Variants in SHB observed in about 807,000 individuals in gnomAD.
The protein encoded by SHB is SH2 domain-containing adapter protein B.
Under a neutral mutation model 52.3 loss-of-function variants are expected in SHB, and 20 were observed. The observed-to-expected ratio is 0.38, with a 90% CI of 0.27 to 0.56. The LOEUF (loss-of-function observed/expected upper bound fraction) is 0.56, where lower values mean the gene tolerates loss of function less well. SHB is among the 20% of genes least tolerant of loss of function. The pLI is 0.71. For synonymous variants in SHB, 397 were observed against 316.5 expected (o/e 1.25, Z -2.70); for missense variants, 825 against 723.3 (o/e 1.14, Z -1.61).
At chr9:37,975,494 A>T (rs1820643564) in intron 2 of SHB, among the ~76,000 whole-genome samples, 1 of 152,218 alleles carries the variant, frequency 6.6e-6, no homozygotes, top group Non-Finnish European at 1.5e-5. Flanking sequence ...CAAGCTCTTG[A>T]TCTTCTAGAG....
intron 2 of SHB, among the ~76,000 whole-genome samples, chr9:38,002,760 G>A (rs1049047515): frequency 6.6e-6 from 1 of 152,178 alleles, no homozygotes; most frequent in Non-Finnish European, 1.5e-5. Flanking sequence ...CAGTTAAAAA[G>A]TGAGCTAAAA....
chr9:38,006,210 C>A (rs1821073964), intron 2 of SHB, among the ~76,000 whole-genome samples: 1 of 152,200 alleles, frequency 6.6e-6, no homozygotes, highest in Non-Finnish European at 1.5e-5. Context: ...TACCCTGACT[C>A]CACAGCACCT....
At chr9:38,032,735 A>G (rs1012517459) in intron 1 of SHB, among the ~76,000 whole-genome samples, 2 of 152,170 alleles carry the variant, frequency 1.3e-5, no homozygotes, top group African/African-American at 2.4e-5. Context: ...TTCCCCACAT[A>G]CCAAAGCCAG....
In SHB at chr9:38,068,513, G is replaced by A. The variant is rs765154732; in HGVS notation, c.133C>T (p.Pro45Ser). The A allele has an allele frequency of 6.1e-6, 9 of 1,482,840 alleles. No individual in the cohort carries two copies. In the Admixed American group the frequency reaches 1.3e-4, roughly 22 times the overall value. 91.9% of individuals were successfully genotyped at this position (1,482,840 alleles called of 1,614,324 possible). A position where few individuals can be genotyped will look rare whatever the true frequency, so the allele number is the denominator to read the frequency against. ...GCCGAGGCGGCGGAGGAGGCCTGCG[G>A]CACGGCCTGGGGGGGCTGCGAAGGC... Reference protein sequence around the residue: ...ERPSQPPQAVPQASSAASASC... With the variant: ...ERPSQPPQAVSQASSAASASC... Residue 45 changes from proline (P) to serine (S), a missense_variant, in exon 1 of 6, where the codon CCG becomes TCG. By Grantham distance (74) the Pro-to-Ser change is moderately conservative (BLOSUM62 -1). Transcript: ENST00000377707.
At chr9:38,013,651 AC>A (rs1821172381) in intron 2 of SHB, among the ~76,000 whole-genome samples, 1 of 152,126 alleles carries the variant, frequency 6.6e-6, no homozygotes, top group African/African-American at 2.4e-5. Context: ...GTGAACAACT[AC>A]TCACCTTTGA....
intron 2 of SHB, among the ~76,000 whole-genome samples, chr9:38,006,402 G>A (rs1821076645): frequency 1.3e-5 from 2 of 152,170 alleles, no homozygotes; most frequent in Non-Finnish European, 2.9e-5. Flanking sequence ...TGCCCAGCAC[G>A]CAGGGAGCTG....
At chr9:38,023,486 G>A (rs1391207993) in intron 1 of SHB, among the ~76,000 whole-genome samples, 1 of 152,168 alleles carries the variant, frequency 6.6e-6, no homozygotes, top group African/African-American at 2.4e-5. Flanking sequence ...GCACTTTCAG[G>A]CAGGGTCTCT....
At chr9:38,014,440 G>A (rs1396828254) in intron 2 of SHB, among the ~76,000 whole-genome samples, 1 of 152,262 alleles carries the variant, frequency 6.6e-6, no homozygotes, top group Non-Finnish European at 1.5e-5. Flanking sequence ...GGCTGTGGTT[G>A]TCGCAGGGCC....
intron 5 of SHB, among the ~76,000 whole-genome samples, chr9:37,925,967 T>A (rs948638735): frequency 6.1e-4 from 93 of 152,162 alleles, no homozygotes; most frequent in African/African-American, 2.1e-3. Flanking sequence ...CTGGGAGCAC[T>A]GCCTCTATGC....
intron 3 of SHB, among the ~76,000 whole-genome samples, chr9:37,962,012 G>C (rs1832696998): frequency 6.6e-6 from 1 of 152,214 alleles, no homozygotes; most frequent in African/African-American, 2.4e-5. Flanking sequence ...CACAGTTTAG[G>C]AGTCAGGAGG....
At chr9:38,046,701 C>T (rs1821656778) in intron 1 of SHB, among the ~76,000 whole-genome samples, 1 of 152,240 alleles carries the variant, frequency 6.6e-6, no homozygotes, top group African/African-American at 2.4e-5. Context: ...ATTGAAATCG[C>T]AATGAGATGT....
chr9:38,008,529 G>T (rs546150112), intron 2 of SHB, among the ~76,000 whole-genome samples: 2 of 152,372 alleles, frequency 1.3e-5, no homozygotes, highest in Middle Eastern at 6.8e-3. Context: ...TGCCAGGCAG[G>T]AGGATTGACA....
At chr9:37,920,316 AAAACAAAACAAAACAAAACT>A (rs1479902820) in intron 5 of SHB, among the ~76,000 whole-genome samples, 2 of 143,576 alleles carry the variant, frequency 1.4e-5, no homozygotes, top group African/African-American at 5.4e-5. Context: ...AAAACAAAAC[AAAACAAAACAAAACAAAACT>A]TAGTCCCTCT....
intron 3 of SHB, among the ~76,000 whole-genome samples, chr9:37,965,763 G>T (rs1457557670): frequency 6.6e-6 from 1 of 152,010 alleles, no homozygotes; most frequent in Non-Finnish European, 1.5e-5. Flanking sequence ...TGGGGCCGGG[G>T]TATCTGGATT....
intron 1 of SHB, among the ~76,000 whole-genome samples, chr9:38,038,243 G>A (rs977677226): frequency 4.6e-5 from 7 of 152,202 alleles, no homozygotes; most frequent in African/African-American, 1.4e-4. Context: ...CAGGTCAGGC[G>A]TGGGGGACCT....
chr9:37,990,355 G>C (rs924558020), intron 2 of SHB, among the ~76,000 whole-genome samples: 5 of 152,100 alleles, frequency 3.3e-5, no homozygotes, highest in Non-Finnish European at 7.4e-5. Context: ...AGCCCTTTGC[G>C]TGCTCAGGCT....
At chr9:37,976,068 C>T (rs899514194) in intron 2 of SHB, among the ~76,000 whole-genome samples, 3 of 152,158 alleles carry the variant, frequency 2.0e-5, no homozygotes, top group Non-Finnish European at 4.4e-5. Flanking sequence ...TGGAGTCTTA[C>T]TCTGTTACCC....
intron 1 of SHB, among the ~76,000 whole-genome samples, chr9:38,057,640 C>T (rs1001210071): frequency 6.6e-6 from 1 of 152,196 alleles, no homozygotes; most frequent in Non-Finnish European, 1.5e-5. Context: ...TTGGAATGCA[C>T]CAGAGGGATT....
At chr9:37,961,002 C>T (rs746456748) in intron 3 of SHB, among the ~76,000 whole-genome samples, 10 of 152,220 alleles carry the variant, frequency 6.6e-5, no homozygotes, top group Non-Finnish European at 1.3e-4. Flanking sequence ...GGGCCTCATT[C>T]ATCTGGCCTC....
Sources: gnomAD v4.1 joint callset for allele counts (sites outside exome capture counted in the v4.1 genomes callset) on GRCh38, gnomAD v4.1.1 for gene constraint, MANE v1.5 for transcripts, NCBI Gene and HGNC (gene_info 2026-07-23, HGNC 2026-07-21) for gene names.